RPS6KA2: variants seen among roughly 807,000 people sequenced by gnomAD.
RPS6KA2 encodes ribosomal protein S6 kinase alpha-2.
Under a neutral mutation model 91.8 loss-of-function variants are expected in RPS6KA2, and 42 were observed. The ratio of observed to expected loss-of-function variants is 0.46; its 90% CI spans 0.36 to 0.59. The LOEUF is 0.59. RPS6KA2 is among the 20% of genes least tolerant of loss of function. RPS6KA2 has a pLI of 0.00. For synonymous variants in RPS6KA2, 414 were observed against 393.6 expected, an observed-to-expected ratio of 1.05 and a Z score of -0.61; for missense variants, 798 against 978.5, an observed-to-expected ratio of 0.82 and a Z score of 2.46.
At chr6:166,812,354 T>G (rs889135964) in intron 2 of RPS6KA2, among the ~76,000 whole-genome samples, 1 of 151,844 alleles carries the variant, frequency 6.6e-6, no homozygotes, top group African/African-American at 2.4e-5. Context: ...AGACTCCATC[T>G]CAAAAAAAAG....
rs1007641878 is a variant in RPS6KA2 at position 166,508,320 on chromosome 6, G to A, written c.380-38C>T. ...GAGACCCGCATTTTGACAGCTTGTCGAATGTCCTGTGGCAACATCGCTCTC... is the reference window on the plus strand; with the variant it reads ...GAGACCCGCATTTTGACAGCTTGTCAAATGTCCTGTGGCAACATCGCTCTC... On this transcript the variant is annotated intron_variant, in intron 4 of 20. Transcript: ENST00000265678. The surrounding 1 kb of genome is among the most constrained non-coding windows in gnomAD (Gnocchi z 4.3). 3.0e-6 allele frequency: 4 copies of A among 1,352,270 alleles called. No homozygotes were observed. The South Asian group carries it at 3.5e-5, about 12-fold the overall frequency. The allele number at this position is 1,352,270 out of a possible 1,614,324, so 83.8% of individuals were successfully genotyped here. A position where few individuals can be genotyped will look rare whatever the true frequency, so the allele number is the denominator to read the frequency against.
At chr6:166,607,956 G>A (rs1241336522) in intron 1 of RPS6KA2, among the ~76,000 whole-genome samples, 3 of 151,808 alleles carry the variant, frequency 2.0e-5, no homozygotes, top group Non-Finnish European at 4.4e-5. Context: ...GCAGCAGTGA[G>A]CCATGATCGT....
At chr6:166,656,916 ACT>A (rs1389870761) in intron 2 of RPS6KA2, among the ~76,000 whole-genome samples, 2 of 152,106 alleles carry the variant, frequency 1.3e-5, no homozygotes, top group Admixed American at 1.3e-4. Flanking sequence ...GTTTGGTGAG[ACT>A]CTCTCTGACT....
At chr6:166,846,837 A>G (rs143378946) in intron 2 of RPS6KA2, among the ~76,000 whole-genome samples, 2,570 of 152,296 alleles carry the variant, frequency 0.017, 82 homozygotes, top group African/African-American at 0.059. Context: ...TCTATTCAAC[A>G]TAGTACTGGA....
intron 2 of RPS6KA2, among the ~76,000 whole-genome samples, chr6:166,844,273 G>T (rs1780556300): frequency 6.6e-6 from 1 of 152,176 alleles, no homozygotes; most frequent in African/African-American, 2.4e-5. Context: ...GCTTGGGATT[G>T]TGTTAAGCAT....
At chr6:166,440,969 G>C (rs534070907) in intron 14 of RPS6KA2, among the ~76,000 whole-genome samples, 1 of 152,332 alleles carries the variant, frequency 6.6e-6, no homozygotes, top group South Asian at 2.1e-4. Flanking sequence ...ATTCCACTGA[G>C]GAGCTTCTTT....
intron 11 of RPS6KA2, among the ~76,000 whole-genome samples, chr6:166,461,786 A>G (rs1780318599): frequency 1.3e-5 from 2 of 152,190 alleles, no homozygotes; most frequent in African/African-American, 4.8e-5. Flanking sequence ...AGGGGCCCAC[A>G]TGGCCCCTCT....
rs1784133554 is a variant in RPS6KA2 at position 166,554,908 on chromosome 6, C to G, written c.100-16124G>C. 6.6e-6 allele frequency among the ~76,000 whole-genome samples: 1 copy of G among 152,154 alleles called. No individual in the cohort carries two copies. Among genetic ancestry groups the G allele is most frequent in the Admixed American group, 6.5e-5 (1 of 15,282 alleles). On this transcript the variant is annotated intron_variant, in intron 1 of 20. Transcript: ENST00000265678. The surrounding 1 kb of genome is among the most constrained non-coding windows in gnomAD (Gnocchi z 4.3). ...AAAGGTCAATTGGTAATTTACAAAA[C>G]CTGATTTTGAGATGACTTTAGGAAA...
chr6:166,680,889 G>T (rs1386241706), intron 2 of RPS6KA2, among the ~76,000 whole-genome samples: 1 of 152,224 alleles, frequency 6.6e-6, no homozygotes, highest in Non-Finnish European at 1.5e-5. Context: ...TCAAACTTCA[G>T]TCAGATGCAG....
At chr6:166,428,221 T>C (rs2128444203) in intron 16 of RPS6KA2, among the ~76,000 whole-genome samples, 1 of 151,578 alleles carries the variant, frequency 6.6e-6, no homozygotes, top group African/African-American at 2.4e-5. Context: ...CCCTATTTAA[T>C]AAATGGTGCT....
chr6:166,850,019 G>A (rs1397066691), intron 2 of RPS6KA2, among the ~76,000 whole-genome samples: 6 of 152,200 alleles, frequency 3.9e-5, no homozygotes, highest in East Asian at 3.9e-4. Context: ...CGCCAGGGAC[G>A]TGGAGCGGAG....
rs543655279 is a variant in RPS6KA2 at position 166,733,560 on chromosome 6, G to A, written c.123+124640C>T. ...TCCTTCTTCTCATCTCATTTTCTTCGTCTGATAATCTTAATTTTATCTTGT... is the reference window on the plus strand; with the variant it reads ...TCCTTCTTCTCATCTCATTTTCTTCATCTGATAATCTTAATTTTATCTTGT... On this transcript the variant is annotated intron_variant, in intron 2 of 21. Coordinates refer to the RPS6KA2 transcript ENST00000503859. This position sits in a 1 kb window ranked among gnomAD's most constrained non-coding sequence, Gnocchi z 4.1. Among the ~76,000 whole-genome samples the A allele has an allele frequency of 9.2e-5, 14 of 152,084 alleles. No individual in the cohort carries two copies. The highest frequency in any genetic ancestry group is 2.2e-4 in the African/African-American group (9 of 41,472).
intron 2 of RPS6KA2, among the ~76,000 whole-genome samples, chr6:166,827,311 C>G (rs1099657): frequency 0.54 from 80,173 of 149,336 alleles, 23,422 homozygotes; most frequent in Middle Eastern, 0.73. Context: ...ACACCTGCCC[C>G]GAAACTGCCT....
chr6:166,702,835 T>A, intron 2 of RPS6KA2: 1 of 1,008,388 alleles, frequency 9.9e-7, no homozygotes, highest in Non-Finnish European at 1.5e-6. Flanking sequence ...ATACGGTTTG[T>A]TCATTGTGAA....
At chr6:166,542,002 G>C (rs1163949911) in intron 1 of RPS6KA2, among the ~76,000 whole-genome samples, 4 of 152,214 alleles carry the variant, frequency 2.6e-5, no homozygotes, top group African/African-American at 9.7e-5. Flanking sequence ...TCAGACTTCA[G>C]AGTTCTGCCT....
chr6:166,540,784 G>C (rs1367469581), intron 1 of RPS6KA2, among the ~76,000 whole-genome samples: 4 of 152,042 alleles, frequency 2.6e-5, no homozygotes, highest in African/African-American at 7.2e-5. Context: ...AGAAAAAAAT[G>C]AGGCCCTCAG....
At chr6:166,676,481 C>CGGTG (rs1391162497) in intron 2 of RPS6KA2, among the ~76,000 whole-genome samples, 4 of 152,166 alleles carry the variant, frequency 2.6e-5, no homozygotes, top group African/African-American at 9.7e-5. Flanking sequence ...CACGCCTCAC[C>CGGTG]CTCTAGCGGC....
intron 2 of RPS6KA2, among the ~76,000 whole-genome samples, chr6:166,841,674 T>G (rs1780482409): frequency 6.6e-6 from 1 of 152,196 alleles, no homozygotes; most frequent in South Asian, 2.1e-4. Flanking sequence ...AAGGACCTAG[T>G]GATTGCACTT....
intron 2 of RPS6KA2, among the ~76,000 whole-genome samples, chr6:166,813,910 G>A (rs1466500916): frequency 1.3e-5 from 2 of 152,164 alleles, no homozygotes; most frequent in African/African-American, 2.4e-5. Flanking sequence ...GCACATTTAT[G>A]TTTGATATTT....
Sources: gnomAD v4.1 joint callset for allele counts (sites outside exome capture counted in the v4.1 genomes callset) on GRCh38, gnomAD v4.1.1 for gene constraint, Gnocchi (gnomAD v3.1) non-coding constraint, MANE v1.5 for transcripts, NCBI Gene and HGNC (gene_info 2026-07-23, HGNC 2026-07-21) for gene names.